The following SLIT3 variants were observed in gnomAD, a reference collection of about 807,000 sequenced individuals.
The protein encoded by SLIT3 is slit guidance ligand 3, also known as slit homolog 3 protein.
Under a neutral mutation model 184.0 loss-of-function variants are expected in SLIT3, and 68 were observed. That is an observed-to-expected ratio of 0.37 (90% CI 0.30 to 0.45). SLIT3 has a LOEUF of 0.45. Ranked by LOEUF, SLIT3 falls within the 20% of genes least tolerant of loss-of-function variation. The pLI is 1.00. For missense variants in SLIT3, 1,707 were observed against 2,026.0 expected, an observed-to-expected ratio of 0.84 and a Z score of 3.02; for synonymous variants, 831 against 828.6, an observed-to-expected ratio of 1.00 and a Z score of -0.05.
intron 4 of SLIT3, among the ~76,000 whole-genome samples, chr5:169,154,676 A>G (rs911671785): frequency 6.6e-6 from 1 of 152,378 alleles, no homozygotes; most frequent in East Asian, 1.9e-4. Context: ...GAGGGAATTA[A>G]ATTTGTGATG....
rs374003560 is a variant in SLIT3, at chr5:169,228,004, G to A, written c.341+16701C>T. ...TTTGATCCTAGAGAAACATGTCTAAGTAAGTGCCCAGGTTCCCAACGGAAG... is the reference window on the plus strand; with the variant it reads ...TTTGATCCTAGAGAAACATGTCTAAATAAGTGCCCAGGTTCCCAACGGAAG... On this transcript the variant is annotated intron_variant, in intron 3 of 35. Coordinates refer to ENST00000519560, the MANE Select transcript of SLIT3 (RefSeq NM_003062.4). Among the ~76,000 whole-genome samples the A allele has an allele frequency of 4.6e-5, 7 of 152,322 alleles. No individual in the cohort carries two copies. The East Asian group carries it at 1.2e-3, about 25-fold the overall frequency.
At chr5:169,090,480 A>G (rs1759536034) in intron 4 of SLIT3, among the ~76,000 whole-genome samples, 3 of 152,202 alleles carry the variant, frequency 2.0e-5, no homozygotes, top group Admixed American at 6.5e-5. Flanking sequence ...AAACAGGGCC[A>G]GGATCGGCAG....
intron 1 of SLIT3, among the ~76,000 whole-genome samples, chr5:169,272,440 C>T (rs3899063): frequency 0.23 from 35,583 of 152,140 alleles, 5,009 homozygotes; most frequent in East Asian, 0.47. Context: ...GTAATTGGAT[C>T]TAACTGCAGA....
chr5:169,186,449 C>T (rs1581031483), intron 4 of SLIT3, among the ~76,000 whole-genome samples: 1 of 152,106 alleles, frequency 6.6e-6, no homozygotes, highest in East Asian at 1.9e-4. Flanking sequence ...TTAAGCCACT[C>T]GGTGTGTGGT....
intron 1 of SLIT3, among the ~76,000 whole-genome samples, chr5:169,275,424 T>A (rs1050257996): frequency 1.3e-4 from 20 of 152,234 alleles, no homozygotes; most frequent in Admixed American, 1.1e-3. Context: ...AAGGTTCACC[T>A]AGCTGCAGTG....
intron 3 of SLIT3, among the ~76,000 whole-genome samples, chr5:169,214,979 G>A (rs1764389064): frequency 6.6e-6 from 1 of 152,122 alleles, no homozygotes; most frequent in Non-Finnish European, 1.5e-5. Flanking sequence ...ACTGAAAGGG[G>A]CACCTCCTTG....
chr5:169,218,340 G>C (rs1380209777), intron 3 of SLIT3, among the ~76,000 whole-genome samples: 1 of 152,208 alleles, frequency 6.6e-6, no homozygotes, highest in East Asian at 1.9e-4. Flanking sequence ...AAACAAACTA[G>C]ATAACAAAGC....
intron 29 of SLIT3, among the ~76,000 whole-genome samples, chr5:168,691,563 A>G (rs1176963451): frequency 6.6e-6 from 1 of 152,236 alleles, no homozygotes; most frequent in Non-Finnish European, 1.5e-5. Context: ...AAGACTCATC[A>G]GCACAGGCAT....
intron 26 of SLIT3, among the ~76,000 whole-genome samples, chr5:168,705,718 GA>G (rs2113299403): frequency 6.6e-6 from 1 of 152,328 alleles, no homozygotes; most frequent in East Asian, 1.9e-4. Context: ...TAGCTCTGAA[GA>G]TACTCTCTTT....
chr5:169,013,940 G>A (rs1756263262), intron 4 of SLIT3, among the ~76,000 whole-genome samples: 1 of 152,180 alleles, frequency 6.6e-6, no homozygotes. Flanking sequence ...GAGACTGCCT[G>A]TCTTGTTCAT....
intron 4 of SLIT3, among the ~76,000 whole-genome samples, chr5:168,974,497 C>G (rs1754684494): frequency 6.6e-6 from 1 of 152,166 alleles, no homozygotes; most frequent in Non-Finnish European, 1.5e-5. Flanking sequence ...AAGGGGTTTT[C>G]AAGGGTACAT....
intron 4 of SLIT3, among the ~76,000 whole-genome samples, chr5:169,122,402 G>A (rs564892476): frequency 6.6e-6 from 1 of 152,320 alleles, no homozygotes; most frequent in East Asian, 1.9e-4. Flanking sequence ...CCTTTCACAT[G>A]TGCATCAAGG....
chr5:168,834,286 G>A (rs1757971297), intron 6 of SLIT3, among the ~76,000 whole-genome samples: 2 of 152,210 alleles, frequency 1.3e-5, no homozygotes, highest in South Asian at 4.2e-4. Flanking sequence ...ATCAGGGAAC[G>A]AATTTACACT....
chr5:169,097,081 A>C (rs953938420), intron 4 of SLIT3, among the ~76,000 whole-genome samples: 3 of 152,162 alleles, frequency 2.0e-5, no homozygotes, highest in African/African-American at 7.2e-5. Flanking sequence ...ATTTCAGGTA[A>C]CAGAGCTCCT....
At chr5:168,872,640 C>CTTTTTTTTTTTTTTTT (rs774066150) in intron 5 of SLIT3, among the ~76,000 whole-genome samples, 3 of 112,430 alleles carry the variant, frequency 2.7e-5, no homozygotes, top group African/African-American at 3.5e-5. Flanking sequence ...TCTTCTTCTT[C>CTTTTTTTTTTTTTTTT]TTTTTTTTTT....
intron 4 of SLIT3, among the ~76,000 whole-genome samples, chr5:169,032,290 T>C (rs13354669): frequency 0.11 from 16,386 of 152,210 alleles, 1,548 homozygotes; most frequent in African/African-American, 0.25. Flanking sequence ...TATCTCTGTG[T>C]CCTGAAAATA....
At chr5:168,715,493 C>G (rs980785268) in intron 23 of SLIT3, among the ~76,000 whole-genome samples, 1 of 152,106 alleles carries the variant, frequency 6.6e-6, no homozygotes, top group East Asian at 1.9e-4. Context: ...AGGAGAGACA[C>G]TTCTGGGGCT....
intron 4 of SLIT3, among the ~76,000 whole-genome samples, chr5:168,958,253 T>C (rs535805215): frequency 1.3e-5 from 2 of 152,316 alleles, no homozygotes; most frequent in Admixed American, 1.3e-4. Context: ...TAGTGGTGAA[T>C]AGGGTTTCAA....
At chr5:168,732,097 T>C (rs764857415) in intron 20 of SLIT3, among the ~76,000 whole-genome samples, 2 of 152,072 alleles carry the variant, frequency 1.3e-5, no homozygotes, top group South Asian at 4.1e-4. Context: ...TTCAGTAAAG[T>C]TTCAGGCTAC....
Sources: allele counts gnomAD v4.1 joint callset (sites outside exome capture counted in the v4.1 genomes callset), GRCh38; gene constraint gnomAD v4.1.1; transcripts MANE v1.5; gene names NCBI Gene and HGNC (gene_info 2026-07-23, HGNC 2026-07-21).